LRMDA: variants seen among roughly 807,000 people sequenced by gnomAD.
The protein encoded by LRMDA is leucine-rich melanocyte differentiation-associated protein.
A neutral mutation model predicts 29.8 loss-of-function variants in LRMDA; 18 were observed. The ratio of observed to expected loss-of-function variants is 0.60; its 90% CI spans 0.42 to 0.90. LRMDA has a LOEUF of 0.90. LRMDA is among the 40% of genes least tolerant of loss of function. The pLI, the probability that LRMDA is intolerant of heterozygous loss-of-function variation, is 0.00. For synonymous variants in LRMDA, 125 were observed against 109.4 expected, an observed-to-expected ratio of 1.14 and a Z score of -0.89; for missense variants, 273 against 273.9, an observed-to-expected ratio of 1.00 and a Z score of 0.02.
intron 2 of LRMDA, among the ~76,000 whole-genome samples, chr10:75,986,360 G>A (rs1266716373): frequency 6.6e-6 from 1 of 152,200 alleles, no homozygotes; most frequent in Non-Finnish European, 1.5e-5. Flanking sequence ...TGACTTAGGT[G>A]TTTCGTGGGA....
intron 2 of LRMDA, among the ~76,000 whole-genome samples, chr10:75,849,628 A>T (rs944922735): frequency 6.6e-6 from 1 of 152,184 alleles, no homozygotes; most frequent in Non-Finnish European, 1.5e-5. Context: ...GAGGGAGAGC[A>T]TTAGGAAAAA....
intron 2 of LRMDA, among the ~76,000 whole-genome samples, chr10:75,631,187 A>G (rs1474428898): frequency 6.6e-6 from 1 of 152,082 alleles, no homozygotes; most frequent in Non-Finnish European, 1.5e-5. Context: ...TCACTGAACT[A>G]TGGCCCAGAG....
At chr10:76,337,702 G>C (rs1277996489) in intron 6 of LRMDA, among the ~76,000 whole-genome samples, 2 of 152,094 alleles carry the variant, frequency 1.3e-5, no homozygotes, top group African/African-American at 4.8e-5. Context: ...GAATTTATTT[G>C]AGCAGATGGT....
chr10:75,919,007 G>T (rs894355854), intron 2 of LRMDA, among the ~76,000 whole-genome samples: 1 of 152,178 alleles, frequency 6.6e-6, no homozygotes, highest in Admixed American at 6.5e-5. Flanking sequence ...CCATGTGTCA[G>T]GCGTGATTTT....
intron 3 of LRMDA, among the ~76,000 whole-genome samples, chr10:76,042,654 A>G (rs917028521): frequency 6.6e-6 from 1 of 152,210 alleles, no homozygotes; most frequent in Non-Finnish European, 1.5e-5. Context: ...AAAAGTATCA[A>G]TCTTTATTGA....
At chr10:75,498,056 C>G (rs1201086343) in intron 2 of LRMDA, among the ~76,000 whole-genome samples, 1 of 152,160 alleles carries the variant, frequency 6.6e-6, no homozygotes, top group Admixed American at 6.5e-5. Context: ...GCTCCGTGTC[C>G]TCACCAACAT....
At chr10:75,858,471 T>G (rs1202601319) in intron 2 of LRMDA, among the ~76,000 whole-genome samples, 1 of 152,200 alleles carries the variant, frequency 6.6e-6, no homozygotes, top group Non-Finnish European at 1.5e-5. Flanking sequence ...TGTGCTGCAT[T>G]TATTTAGCTA....
At chr10:75,614,778 G>A (rs1396055673) in intron 2 of LRMDA, among the ~76,000 whole-genome samples, 1 of 151,286 alleles carries the variant, frequency 6.6e-6, no homozygotes, top group Non-Finnish European at 1.5e-5. Flanking sequence ...TATCAGTGGT[G>A]TTTGTTTTTT....
chr10:76,025,362 G>T (rs1358087689), intron 2 of LRMDA, among the ~76,000 whole-genome samples: 1 of 150,048 alleles, frequency 6.7e-6, no homozygotes, highest in African/African-American at 2.5e-5. Context: ...GACAAGCATA[G>T]GAGGGATGGG....
At chr10:75,601,015 T>C (rs1349308555) in intron 2 of LRMDA, among the ~76,000 whole-genome samples, 1 of 152,254 alleles carries the variant, frequency 6.6e-6, no homozygotes, top group Non-Finnish European at 1.5e-5. Context: ...AAACGCACTT[T>C]GCTGCCTGGG....
chr10:75,497,494 A>C (rs1845060766), intron 2 of LRMDA, among the ~76,000 whole-genome samples: 1 of 152,008 alleles, frequency 6.6e-6, no homozygotes, highest in Non-Finnish European at 1.5e-5. Context: ...TGAACCCTAA[A>C]TGTACCATTC....
intron 5 of LRMDA, among the ~76,000 whole-genome samples, chr10:76,260,022 T>A (rs1029939871): frequency 6.6e-6 from 1 of 152,024 alleles, no homozygotes; most frequent in Admixed American, 6.6e-5. Context: ...CTTTTTTTTT[T>A]AAACCCATTC....
At chr10:75,502,295 T>G (rs564331402) in intron 2 of LRMDA, among the ~76,000 whole-genome samples, 1 of 152,346 alleles carries the variant, frequency 6.6e-6, no homozygotes, top group East Asian at 1.9e-4. Context: ...GTGAGCCCTG[T>G]GGCTTCTGCA....
At chr10:75,815,112 G>C (rs1220621573) in intron 2 of LRMDA, among the ~76,000 whole-genome samples, 1 of 152,074 alleles carries the variant, frequency 6.6e-6, no homozygotes, top group Non-Finnish European at 1.5e-5. Context: ...TACTTCAATG[G>C]AATCCCTGAA....
intron 5 of LRMDA, among the ~76,000 whole-genome samples, chr10:76,276,051 ATCTCTT>A (rs1408140275): frequency 2.2e-4 from 28 of 127,588 alleles, no homozygotes; most frequent in African/African-American, 9.2e-4. Flanking sequence ...CTATCTATCT[ATCTCTT>A]TCTTTCTCTC....
chr10:76,036,839 G>T (rs1032563724), intron 3 of LRMDA, among the ~76,000 whole-genome samples: 3 of 152,154 alleles, frequency 2.0e-5, no homozygotes, highest in Non-Finnish European at 4.4e-5. Flanking sequence ...CCTAAGGCCC[G>T]TAGCTCCTGC....
At chr10:76,093,816 C>T (rs990404449) in intron 5 of LRMDA, among the ~76,000 whole-genome samples, 2 of 152,168 alleles carry the variant, frequency 1.3e-5, no homozygotes, top group African/African-American at 2.4e-5. Flanking sequence ...CGTTCCCCCA[C>T]CTGATATTTT....
intron 2 of LRMDA, among the ~76,000 whole-genome samples, chr10:76,000,686 G>A (rs902914215): frequency 1.3e-5 from 2 of 152,174 alleles, no homozygotes; most frequent in Admixed American, 1.3e-4. Context: ...GAGAAAGGTG[G>A]CCTCACATGT....
chr10:76,402,578 T>A (rs1456619065), intron 6 of LRMDA, among the ~76,000 whole-genome samples: 1 of 152,086 alleles, frequency 6.6e-6, no homozygotes, highest in Non-Finnish European at 1.5e-5. Context: ...GGTCTCCAAC[T>A]TCTGGCCCCA....
Sources: allele counts gnomAD v4.1 joint callset (sites outside exome capture counted in the v4.1 genomes callset), GRCh38; gene constraint gnomAD v4.1.1; transcripts MANE v1.5; gene names NCBI Gene and HGNC (gene_info 2026-07-23, HGNC 2026-07-21).